Variants in PPP3CA observed in about 807,000 individuals in gnomAD.
PPP3CA encodes CAM-PRP catalytic subunit.
In PPP3CA, 14 loss-of-function variants were observed where a neutral mutation model predicts 66.5. The observed-to-expected ratio is 0.21, with a 90% CI of 0.14 to 0.33. The LOEUF is 0.33. Ranked by LOEUF, PPP3CA falls within the 10% of genes least tolerant of loss-of-function variation. The pLI is 1.00. For missense variants in PPP3CA, 317 were observed against 639.5 expected (o/e 0.50, Z 5.44); for synonymous variants, 232 against 226.2 (o/e 1.03, Z -0.23).
intron 3 of PPP3CA, among the ~76,000 whole-genome samples, chr4:101,102,163 A>G (rs1730471512): frequency 6.6e-6 from 1 of 152,080 alleles, no homozygotes; most frequent in African/African-American, 2.4e-5. Flanking sequence ...ATGGATGTAA[A>G]GTACCTAGTA....
At chr4:101,175,963 A>C (rs1286808573) in intron 2 of PPP3CA, among the ~76,000 whole-genome samples, 1 of 152,090 alleles carries the variant, frequency 6.6e-6, no homozygotes, top group Non-Finnish European at 1.5e-5. Context: ...TCTCCACAAA[A>C]CCTTACTCCC....
chr4:101,221,230 C>T (rs533887238), intron 1 of PPP3CA, among the ~76,000 whole-genome samples: 20 of 151,564 alleles, frequency 1.3e-4, no homozygotes, highest in African/African-American at 4.3e-4. Flanking sequence ...GAGTAACAGA[C>T]GGCCATAAAA....
intron 1 of PPP3CA, among the ~76,000 whole-genome samples, chr4:101,203,160 T>C (rs957787326): frequency 2.6e-5 from 4 of 152,154 alleles, no homozygotes; most frequent in Admixed American, 1.3e-4. Flanking sequence ...AAATCTGAAA[T>C]GTGCTACAAG....
chr4:101,174,934 T>C (rs1724009227), intron 2 of PPP3CA, among the ~76,000 whole-genome samples: 1 of 152,142 alleles, frequency 6.6e-6, no homozygotes. Flanking sequence ...GTGACAGAGC[T>C]GGGTTGAATC....
intron 1 of PPP3CA, among the ~76,000 whole-genome samples, chr4:101,273,318 G>A (rs1193536737): frequency 6.6e-6 from 1 of 150,686 alleles, no homozygotes; most frequent in Non-Finnish European, 1.5e-5. Context: ...TTGAGATGGA[G>A]TCTTGCTCTG....
chr4:101,170,924 G>C (rs745517242), intron 2 of PPP3CA, among the ~76,000 whole-genome samples: 3 of 152,066 alleles, frequency 2.0e-5, no homozygotes, highest in Admixed American at 6.6e-5. Context: ...TCGCATTCTA[G>C]TCTAGTCAAA....
intron 8 of PPP3CA, among the ~76,000 whole-genome samples, chr4:101,068,365 G>C (rs1219195930): frequency 6.6e-6 from 1 of 152,126 alleles, no homozygotes; most frequent in African/African-American, 2.4e-5. Flanking sequence ...CTACCATCAC[G>C]AAAGGAGGCA....
intron 1 of PPP3CA, among the ~76,000 whole-genome samples, chr4:101,216,160 T>G (rs977219757): frequency 1.5e-4 from 23 of 152,188 alleles, no homozygotes; most frequent in Admixed American, 1.3e-4. Flanking sequence ...AAAGGAAAGA[T>G]ATTTCATAAT....
intron 1 of PPP3CA, among the ~76,000 whole-genome samples, chr4:101,257,159 T>C (rs900012972): frequency 2.6e-5 from 4 of 152,030 alleles, no homozygotes; most frequent in Non-Finnish European, 4.4e-5. Context: ...TACTTCCATG[T>C]TATTGTTTAC....
intron 1 of PPP3CA, among the ~76,000 whole-genome samples, chr4:101,336,919 TAGGCCTAAATTC>T (rs1195887918): frequency 6.6e-6 from 1 of 152,188 alleles, no homozygotes; most frequent in Non-Finnish European, 1.5e-5. Flanking sequence ...GTCTCATTTG[TAGGCCTAAATTC>T]AGGCATGAGC....
chr4:101,041,334 G>A (rs1485828409), intron 10 of PPP3CA, among the ~76,000 whole-genome samples: 9 of 149,588 alleles, frequency 6.0e-5, no homozygotes, highest in Admixed American at 6.0e-4. Flanking sequence ...TTAAAATAAT[G>A]TTTTAAAGTA....
rs528549502 is a variant in PPP3CA at position 101,171,978 on chromosome 4, T to C, written c.259+23938A>G. On this transcript the variant is annotated intron_variant, in intron 2 of 13. Coordinates refer to ENST00000394854, the MANE Select transcript of PPP3CA (RefSeq NM_000944.5). ...ACTGACTGATTCAATGAATGAATGA[T>C]AGTCTGTAGACTACAGCTGTGTATT... 2.2e-3 allele frequency among the ~76,000 whole-genome samples: 336 copies of C among 152,328 alleles called. 2 individuals carry two copies. The Middle Eastern group carries it at 0.024, about 11-fold the overall frequency.
chr4:101,037,642 G>T (rs753083052), intron 11 of PPP3CA, among the ~76,000 whole-genome samples: 2 of 149,976 alleles, frequency 1.3e-5, no homozygotes, highest in Non-Finnish European at 1.5e-5. Context: ...TTATCCATAC[G>T]TCACCTTGCT....
At chr4:101,109,517 A>G (rs1225262022) in intron 2 of PPP3CA, among the ~76,000 whole-genome samples, 3 of 151,990 alleles carry the variant, frequency 2.0e-5, no homozygotes, top group Non-Finnish European at 4.4e-5. Flanking sequence ...TGTACAACTG[A>G]GGTCTGAATA....
chr4:101,057,505 C>T (rs1270027160), intron 10 of PPP3CA, among the ~76,000 whole-genome samples: 3 of 152,124 alleles, frequency 2.0e-5, no homozygotes, highest in Non-Finnish European at 4.4e-5. Context: ...TGACACATTT[C>T]GGACTCCGAT....
intron 2 of PPP3CA, among the ~76,000 whole-genome samples, chr4:101,157,691 T>A (rs1050034195): frequency 1.3e-5 from 2 of 152,180 alleles, no homozygotes; most frequent in Non-Finnish European, 2.9e-5. Context: ...TTTGATGTTC[T>A]TTGAAACCCA....
intron 3 of PPP3CA, among the ~76,000 whole-genome samples, chr4:101,106,385 GAA>G (rs1368851419): frequency 2.7e-4 from 1 of 3,638 alleles, no homozygotes; most frequent in Admixed American, 4.9e-3. Flanking sequence ...AAGAAAGAAA[GAA>G]AGAAAGAAAG....
At chr4:101,085,030 A>AG (rs1398369076) in intron 6 of PPP3CA, among the ~76,000 whole-genome samples, 1 of 152,208 alleles carries the variant, frequency 6.6e-6, no homozygotes, top group African/African-American at 2.4e-5. Flanking sequence ...TGTGTGTCAG[A>AG]GAAAAAAAAC....
At chr4:101,131,567 T>C (rs1285723530) in intron 2 of PPP3CA, among the ~76,000 whole-genome samples, 6 of 152,092 alleles carry the variant, frequency 3.9e-5, no homozygotes, top group South Asian at 4.2e-4. Flanking sequence ...CCTAAATATA[T>C]ATGCATCCAA....
Sources: allele counts gnomAD v4.1 joint callset (sites outside exome capture counted in the v4.1 genomes callset), GRCh38; gene constraint gnomAD v4.1.1; transcripts MANE v1.5; gene names NCBI Gene and HGNC (gene_info 2026-07-23, HGNC 2026-07-21).